Variants in ARHGEF4 observed in about 807,000 individuals in gnomAD.
The protein encoded by ARHGEF4 is Rho guanine nucleotide exchange factor 4.
In ARHGEF4, 119 loss-of-function variants were observed where a neutral mutation model predicts 162.0. The ratio of observed to expected loss-of-function variants is 0.73; its 90% CI spans 0.63 to 0.86. ARHGEF4 has a LOEUF of 0.86. ARHGEF4 is among the 40% of genes least tolerant of loss of function. The pLI is 0.00. For missense variants in ARHGEF4, 2,488 were observed against 2,456.0 expected (o/e 1.01, Z -0.28); for synonymous variants, 1,014 against 979.9 (o/e 1.03, Z -0.65).
chr2:130,993,276 T>C (rs1422740713), intron 4 of ARHGEF4, among the ~76,000 whole-genome samples: 4 of 152,240 alleles, frequency 2.6e-5, no homozygotes, highest in African/African-American at 7.2e-5. Flanking sequence ...AGAAGTGTAT[T>C]AATTTTCAAA....
At chr2:130,869,469 G>T (rs1373729011) in intron 1 of ARHGEF4, among the ~76,000 whole-genome samples, 1 of 152,208 alleles carries the variant, frequency 6.6e-6, no homozygotes, top group Non-Finnish European at 1.5e-5. Context: ...GATAAGCAGG[G>T]AATCTTGGTG....
intron 4 of ARHGEF4, among the ~76,000 whole-genome samples, chr2:130,979,746 A>AAAG (rs1375279572): frequency 6.6e-6 from 1 of 150,480 alleles, no homozygotes; most frequent in Admixed American, 6.6e-5. Context: ...AAAAAAAAAA[A>AAAG]AAAAAAAAAA....
At chr2:130,982,040 C>T (rs1029564281) in intron 4 of ARHGEF4, among the ~76,000 whole-genome samples, 2 of 152,100 alleles carry the variant, frequency 1.3e-5, no homozygotes, top group South Asian at 2.1e-4. Flanking sequence ...ACTCTGTCAC[C>T]GAGGCTGGAG....
At chr2:131,021,177 T>G (rs1689103166) in intron 4 of ARHGEF4, among the ~76,000 whole-genome samples, 1 of 152,116 alleles carries the variant, frequency 6.6e-6, no homozygotes, top group Non-Finnish European at 1.5e-5. Flanking sequence ...CTGTGCAGAA[T>G]CCTAAGCCAA....
intron 4 of ARHGEF4, among the ~76,000 whole-genome samples, chr2:131,016,920 G>A (rs1688807775): frequency 6.6e-6 from 1 of 152,188 alleles, no homozygotes; most frequent in Non-Finnish European, 1.5e-5. Flanking sequence ...CCTTGTAAGG[G>A]GAAGCAGAAA....
Position 130,865,467 on chromosome 2 carries a change from A to C in ARHGEF4, c.39+28475A>C, listed in dbSNP as rs371423135. Among the ~76,000 whole-genome samples, 9 of 152,306 alleles carry C rather than the reference A, an allele frequency of 5.9e-5. No homozygotes were observed. The East Asian group carries it at 1.7e-3, about 29-fold the overall frequency. On this transcript the variant is annotated intron_variant, in intron 1 of 13. Coordinates refer to ENST00000409359, the MANE Select transcript of ARHGEF4 (RefSeq NM_001367493.1). Reference sequence around the variant, plus strand: ...TGCTGAGCCTCGGAAATATCCTCTCAGGTCGTTCCTCCCACGTGAGGCAGG... The same window carrying C: ...TGCTGAGCCTCGGAAATATCCTCTCCGGTCGTTCCTCCCACGTGAGGCAGG...
chr2:130,914,450 G>A lies in ARHGEF4; in HGVS notation c.504G>A (p.Leu168=). 1 of 1,434,650 alleles carries A rather than the reference G, an allele frequency of 7.0e-7. No individual in the cohort carries two copies. The highest frequency in any genetic ancestry group is 9.1e-7 in the Non-Finnish European group (1 of 1,100,170). 88.9% of individuals were successfully genotyped at this position (1,434,650 alleles called of 1,614,324 possible). The change falls in exon 2 of 14, where the codon CTG becomes CTA. Residue 168 remains leucine, a synonymous_variant. Coordinates refer to ENST00000409359, the MANE Select transcript of ARHGEF4 (RefSeq NM_001367493.1). ...ACCTCTGGGACTGCGCGACCAGCCTGGAGCGAGAGTCTTTGCTGGCAGGGG... is the reference window on the plus strand; with the variant it reads ...ACCTCTGGGACTGCGCGACCAGCCTAGAGCGAGAGTCTTTGCTGGCAGGGG... ...AGHLWDCATS[L]ERESLLAGVP...
intron 1 of ARHGEF4, chr2:130,837,748 C>T (rs539292688): frequency 1.5e-5 from 5 of 342,482 alleles, no homozygotes; most frequent in Admixed American, 3.7e-5. Flanking sequence ...TGCTGAGCTC[C>T]GATGGGCTCC....
At chr2:130,851,597 G>C (rs1057504172) in intron 1 of ARHGEF4, among the ~76,000 whole-genome samples, 1 of 152,206 alleles carries the variant, frequency 6.6e-6, no homozygotes, top group Non-Finnish European at 1.5e-5. Context: ...GGGCTGGGGG[G>C]GCTCCAGTCT....
intron 11 of ARHGEF4, among the ~76,000 whole-genome samples, chr2:131,043,878 C>A (rs1215411247): frequency 6.6e-6 from 1 of 152,166 alleles, no homozygotes; most frequent in Admixed American, 6.5e-5. Flanking sequence ...CCTCCACATC[C>A]CCTCTCTCCA....
intron 4 of ARHGEF4, among the ~76,000 whole-genome samples, chr2:130,980,448 AT>A (rs1198730113): frequency 1.3e-5 from 2 of 151,994 alleles, no homozygotes; most frequent in Non-Finnish European, 2.9e-5. Context: ...ACTAACTAAC[AT>A]TTTTTCTTTA....
chr2:130,973,619 AC>A (rs1268388439), intron 4 of ARHGEF4, among the ~76,000 whole-genome samples: 1 of 152,240 alleles, frequency 6.6e-6, no homozygotes, highest in Admixed American at 6.5e-5. Context: ...CCCATCATGG[AC>A]AGTGAAGCTC....
At chr2:130,980,389 C>CAA (rs70994728) in intron 4 of ARHGEF4, among the ~76,000 whole-genome samples, 4,784 of 141,244 alleles carry the variant, frequency 0.034, 223 homozygotes, top group African/African-American at 0.11. Flanking sequence ...GACCATGTCT[C>CAA]AAAAAAAAAA....
chr2:130,864,728 CA>C lies in ARHGEF4; in HGVS notation c.39+27741del, dbSNP rs1682145937. The stretch of plus-strand genomic sequence containing the variant: ...GACAGAGCCAGACTCTGTCTCAAAA[CA>C]AAAACAAAAACAAAAAATACAGCAA... On this transcript the variant is annotated intron_variant, in intron 1 of 13. Transcript: ENST00000409359. Among the ~76,000 whole-genome samples, 3 of 152,184 alleles carry C rather than the reference CA, an allele frequency of 2.0e-5. No homozygotes were observed. In the South Asian group the frequency reaches 6.2e-4, roughly 32 times the overall value.
intron 4 of ARHGEF4, among the ~76,000 whole-genome samples, chr2:130,984,871 A>C (rs562335066): frequency 6.6e-6 from 1 of 152,150 alleles, no homozygotes; most frequent in African/African-American, 2.4e-5. Flanking sequence ...TTTGCAAACA[A>C]AAATTCCTTA....
intron 4 of ARHGEF4, among the ~76,000 whole-genome samples, chr2:130,969,427 C>G (rs1685214434): frequency 6.6e-6 from 1 of 151,976 alleles, no homozygotes; most frequent in South Asian, 2.1e-4. Flanking sequence ...GAAACCCCGT[C>G]TCTACTAAAA....
intron 1 of ARHGEF4, among the ~76,000 whole-genome samples, chr2:130,909,119 C>T (rs928288590): frequency 3.9e-5 from 6 of 152,158 alleles, no homozygotes; most frequent in African/African-American, 1.2e-4. Context: ...AGCAGTTGAA[C>T]GCATGCCCCT....
rs1318567017 is a variant in ARHGEF4, at chr2:130,860,635, G to A, written c.39+23643G>A. ...CGAGGCAGAAGAATGGTGTGAACCCGGGAGGCGAAGCTTGCGGTGAGCCGA... is the reference window on the plus strand; with the variant it reads ...CGAGGCAGAAGAATGGTGTGAACCCAGGAGGCGAAGCTTGCGGTGAGCCGA... On this transcript the variant is annotated intron_variant, in intron 1 of 13. Transcript: ENST00000409359. Among the ~76,000 whole-genome samples the A allele has an allele frequency of 4.2e-5, 5 of 119,172 alleles. 1 individual carries two copies. The highest frequency in any genetic ancestry group is 6.4e-5 in the Non-Finnish European group (4 of 62,440). 78.2% of individuals were successfully genotyped at this position (119,172 alleles called of 152,430 possible). A position where few individuals can be genotyped will look rare whatever the true frequency, so the allele number is the denominator to read the frequency against.
At chr2:130,837,879 A>C (rs542715138) in intron 1 of ARHGEF4, among the ~76,000 whole-genome samples, 1 of 152,300 alleles carries the variant, frequency 6.6e-6, no homozygotes, top group Non-Finnish European at 1.5e-5. Context: ...AGGGCGCCCT[A>C]CTTGGCTGTG....
Sources: gnomAD v4.1 joint callset for allele counts (sites outside exome capture counted in the v4.1 genomes callset) on GRCh38, gnomAD v4.1.1 for gene constraint, MANE v1.5 for transcripts, NCBI Gene and HGNC (gene_info 2026-07-23, HGNC 2026-07-21) for gene names.